The following PLGRKT variants were observed in gnomAD, a reference collection of about 807,000 sequenced individuals.
PLGRKT encodes plasminogen receptor with a C-terminal lysine, also known as plasminogen receptor (KT).
PLGRKT carries 22 observed loss-of-function variants against 18.5 expected under a neutral mutation model. The observed-to-expected ratio is 1.19, with a 90% CI of 0.85 to 1.70. The LOEUF (loss-of-function observed/expected upper bound fraction) is 1.70. Ranked by LOEUF, PLGRKT falls within the 40% of genes most tolerant of loss-of-function variation. The pLI, the probability that PLGRKT is intolerant of heterozygous loss-of-function variation, is 0.00. For synonymous variants in PLGRKT, 72 were observed against 52.8 expected, an observed-to-expected ratio of 1.36 and a Z score of -1.58; for missense variants, 235 against 174.4, an observed-to-expected ratio of 1.35 and a Z score of -1.96.
chr9:5,402,406 C>T (rs986467089), intron 3 of PLGRKT, among the ~76,000 whole-genome samples: 1 of 151,804 alleles, frequency 6.6e-6, no homozygotes. Context: ...TTAACCAGAT[C>T]CAGCAACAGA....
At chr9:5,403,463 G>A (rs1336304271) in intron 3 of PLGRKT, among the ~76,000 whole-genome samples, 3 of 152,128 alleles carry the variant, frequency 2.0e-5, no homozygotes, top group African/African-American at 7.2e-5. Flanking sequence ...GACCTCAGGT[G>A]ATCCGCCTGC....
intron 3 of PLGRKT, among the ~76,000 whole-genome samples, chr9:5,388,940 C>T (rs979457761): frequency 2.6e-5 from 4 of 151,968 alleles, no homozygotes; most frequent in African/African-American, 7.3e-5. Flanking sequence ...ATATTGACAA[C>T]GTCCTCCAGC....
Position 5,418,667 on chromosome 9 carries a change from G to A in PLGRKT, c.81+13230C>T, listed in dbSNP as rs1818512053. 1.5e-6 allele frequency: 1 copy of A among 675,608 alleles called. No homozygotes were observed. Among genetic ancestry groups the A allele is most frequent in the East Asian group, 2.8e-5 (1 of 35,916 alleles). 41.9% of individuals were successfully genotyped at this position (675,608 alleles called of 1,614,324 possible). A position where few individuals can be genotyped will look rare whatever the true frequency, so the allele number is the denominator to read the frequency against. The stretch of plus-strand genomic sequence containing the variant: ...AGCAGCGCGTGCTCCTTGGAGATGG[G>A]CAGGGGCAGCATGTAGCACCCACTG... On this transcript the variant is annotated intron_variant, in intron 3 of 5. Coordinates refer to ENST00000223864, the MANE Select transcript of PLGRKT (RefSeq NM_018465.4). This position sits in a 1 kb window ranked among gnomAD's most constrained non-coding sequence, Gnocchi z 4.2.
intron 3 of PLGRKT, among the ~76,000 whole-genome samples, chr9:5,410,903 A>T (rs957584959): frequency 6.6e-6 from 1 of 152,224 alleles, no homozygotes; most frequent in Non-Finnish European, 1.5e-5. Flanking sequence ...CTCTAGATGA[A>T]ATAAATCAGC....
intron 3 of PLGRKT, among the ~76,000 whole-genome samples, chr9:5,401,473 C>G (rs1818152920): frequency 6.6e-6 from 1 of 151,850 alleles, no homozygotes; most frequent in South Asian, 2.1e-4. Context: ...AGACTGTTAA[C>G]CTCTAGCAAA....
At chr9:5,358,862 C>G (rs902644177) in intron 5 of PLGRKT, among the ~76,000 whole-genome samples, 2 of 152,240 alleles carry the variant, frequency 1.3e-5, no homozygotes, top group African/African-American at 4.8e-5. Flanking sequence ...ATATACACAT[C>G]TTTATAAACA....
At chr9:5,423,540 C>G (rs753036553) in intron 3 of PLGRKT, among the ~76,000 whole-genome samples, 25 of 152,074 alleles carry the variant, frequency 1.6e-4, no homozygotes, top group Non-Finnish European at 2.6e-4. Flanking sequence ...ATGGTTCCTC[C>G]CAGGCACTGA....
At chr9:5,360,511 C>A (rs1360946097) in intron 5 of PLGRKT, among the ~76,000 whole-genome samples, 1 of 152,130 alleles carries the variant, frequency 6.6e-6, no homozygotes, top group Non-Finnish European at 1.5e-5. Flanking sequence ...TTTTCAACCC[C>A]TGGTCCAGAC....
chr9:5,433,759 C>T (rs1430557381), intron 2 of PLGRKT, among the ~76,000 whole-genome samples: 1 of 139,604 alleles, frequency 7.2e-6, no homozygotes, highest in Non-Finnish European at 1.5e-5. Context: ...CTTTGCCCGG[C>T]TGCCCCGTCT....
upstream of PLGRKT, chr9:5,437,942 C>A (rs1298400575): frequency 3.9e-5 from 6 of 152,324 alleles, no homozygotes; most frequent in Non-Finnish European, 5.9e-5. Flanking sequence ...TTCGCGCAGC[C>A]CTCAGCTTCT....
intron 3 of PLGRKT, among the ~76,000 whole-genome samples, chr9:5,386,904 C>A (rs557317088): frequency 6.6e-6 from 1 of 152,044 alleles, no homozygotes; most frequent in East Asian, 1.9e-4. Flanking sequence ...AACCCCTCAA[C>A]TATGAAATGC....
chr9:5,422,785 G>T (rs1031703444), intron 3 of PLGRKT, among the ~76,000 whole-genome samples: 1 of 152,054 alleles, frequency 6.6e-6, no homozygotes, highest in Non-Finnish European at 1.5e-5. Context: ...GGGCAAAAAG[G>T]CAAAGGAAGA....
intron 3 of PLGRKT, among the ~76,000 whole-genome samples, chr9:5,414,215 GGA>G (rs1391675573): frequency 7.2e-5 from 11 of 152,184 alleles, no homozygotes; most frequent in Admixed American, 5.2e-4. Context: ...CACCCAGGCT[GGA>G]GTGCAATGGT....
At chr9:5,429,901 A>G (rs943358025) in intron 3 of PLGRKT, among the ~76,000 whole-genome samples, 2 of 152,136 alleles carry the variant, frequency 1.3e-5, no homozygotes, top group African/African-American at 4.8e-5. Flanking sequence ...TGACATCTCC[A>G]TTTTGGGGTG....
chr9:5,404,612 T>C (rs1322370948), intron 3 of PLGRKT, among the ~76,000 whole-genome samples: 1 of 152,138 alleles, frequency 6.6e-6, no homozygotes, highest in Non-Finnish European at 1.5e-5. Context: ...AAACTAAATA[T>C]TGAAGGAACA....
intron 3 of PLGRKT, among the ~76,000 whole-genome samples, chr9:5,365,499 C>T (rs1025977348): frequency 1.4e-5 from 2 of 139,984 alleles, no homozygotes; most frequent in Non-Finnish European, 3.2e-5. Context: ...ACTCCCACCC[C>T]TTGATCTTGG....
chr9:5,412,283 CAT>C (rs1180308348), intron 3 of PLGRKT, among the ~76,000 whole-genome samples: 1 of 152,168 alleles, frequency 6.6e-6, no homozygotes, highest in Non-Finnish European at 1.5e-5. Flanking sequence ...TATCTCATAT[CAT>C]ATATGAGAAT....
intron 3 of PLGRKT, among the ~76,000 whole-genome samples, chr9:5,424,622 AT>A (rs1408891958): frequency 2.3e-5 from 3 of 130,390 alleles, no homozygotes; most frequent in African/African-American, 9.0e-5. Context: ...TTATTATATT[AT>A]ATTATATTAA....
At chr9:5,409,789 T>C (rs1299382414) in intron 3 of PLGRKT, among the ~76,000 whole-genome samples, 1 of 152,242 alleles carries the variant, frequency 6.6e-6, no homozygotes, top group Non-Finnish European at 1.5e-5. Flanking sequence ...TTTAGATGCA[T>C]GGGGCCTGTA....
Sources: allele counts gnomAD v4.1 joint callset (sites outside exome capture counted in the v4.1 genomes callset), GRCh38; gene constraint gnomAD v4.1.1; non-coding constraint Gnocchi (gnomAD v3.1); transcripts MANE v1.5; gene names NCBI Gene and HGNC (gene_info 2026-07-23, HGNC 2026-07-21).